NEK1: variants seen among roughly 807,000 people sequenced by gnomAD.
The protein encoded by NEK1 is NIMA related kinase 1, also known as serine/threonine-protein kinase Nek1.
Under a neutral mutation model 182.1 loss-of-function variants are expected in NEK1, and 137 were observed. The ratio of observed to expected loss-of-function variants is 0.75; its 90% CI spans 0.65 to 0.87. NEK1 has a LOEUF of 0.87. Ranked by LOEUF, NEK1 falls within the 40% of genes least tolerant of loss-of-function variation. The pLI is 0.00. For missense variants in NEK1, 1,391 were observed against 1,494.4 expected, an observed-to-expected ratio of 0.93 and a Z score of 1.14; for synonymous variants, 513 against 492.2, an observed-to-expected ratio of 1.04 and a Z score of -0.56.
intron 35 of NEK1, among the ~76,000 whole-genome samples, chr4:169,395,006 A>G (rs961607405): frequency 6.6e-6 from 1 of 152,204 alleles, no homozygotes; most frequent in African/African-American, 2.4e-5. Flanking sequence ...AGAATAAATC[A>G]TGGATATATT....
chr4:169,483,865 C>CAAA lies in NEK1; in HGVS notation c.2008-4334_2008-4332dup, dbSNP rs376726833. On this transcript the variant is annotated intron_variant, in intron 23 of 35. Transcript: ENST00000507142. ...TGGGCGACAGAGTGAGACTCTGTCT[C>CAAA]AAAAAAAAAAAAAAAAAAAGTTACT... Among the ~76,000 whole-genome samples the CAAA allele has an allele frequency of 1.4e-4, 16 of 117,170 alleles. 1 individual carries two copies. Among genetic ancestry groups the CAAA allele is most frequent in the East Asian group, 4.9e-4 (2 of 4,070 alleles). The allele number at this position is 117,170 out of a possible 152,430, so 76.9% of individuals were successfully genotyped here. A position where few individuals can be genotyped will look rare whatever the true frequency, so the allele number is the denominator to read the frequency against.
At chr4:169,475,353 C>G (rs1746752583) in intron 26 of NEK1, among the ~76,000 whole-genome samples, 1 of 152,138 alleles carries the variant, frequency 6.6e-6, no homozygotes, top group Non-Finnish European at 1.5e-5. Context: ...GTAGAGCACT[C>G]AGAAGCATCT....
In NEK1 at chr4:169,424,743, G is replaced by A. The variant is rs765906291; in HGVS notation, c.3032C>T (p.Pro1011Leu). The part of the protein sequence containing the change: ...SKCDVDKSVQ[P>L]EPFFHKVVHS... ...AACCACCTTATGGAAAAATGGTTCCGGTTGCACAGACTTATCTACATCACA... is the reference window on the plus strand; with the variant it reads ...AACCACCTTATGGAAAAATGGTTCCAGTTGCACAGACTTATCTACATCACA... Residue 1011 changes from proline (P) to leucine (L), a missense_variant, in exon 31 of 36, where the codon CCG becomes CTG. Transcript: ENST00000507142. The A allele has an allele frequency of 8.7e-6, 14 of 1,613,760 alleles. No homozygotes were observed. Among genetic ancestry groups the A allele is most frequent in the Non-Finnish European group, 9.3e-6 (11 of 1,179,772 alleles).
intron 18 of NEK1, among the ~76,000 whole-genome samples, chr4:169,542,085 T>C (rs762627096): frequency 6.6e-6 from 1 of 152,184 alleles, no homozygotes; most frequent in Non-Finnish European, 1.5e-5. Flanking sequence ...GCAGGTTACA[T>C]AGGTATACAC....
At chr4:169,564,316 T>C (rs1484067832) in intron 12 of NEK1, among the ~76,000 whole-genome samples, 2 of 152,148 alleles carry the variant, frequency 1.3e-5, no homozygotes, top group Non-Finnish European at 2.9e-5. Flanking sequence ...GGGAAAAATA[T>C]TTTGATGGTC....
chr4:169,404,983 A>G (rs929230080), intron 32 of NEK1, among the ~76,000 whole-genome samples: 1 of 152,148 alleles, frequency 6.6e-6, no homozygotes, highest in African/African-American at 2.4e-5. Context: ...ATGTGCACAC[A>G]CACACATGAA....
chr4:169,548,589 T>C (rs1760912937), intron 18 of NEK1, among the ~76,000 whole-genome samples: 1 of 152,234 alleles, frequency 6.6e-6, no homozygotes, highest in Non-Finnish European at 1.5e-5. Flanking sequence ...CCCCAGGTGC[T>C]CTGTCCCAGG....
chr4:169,529,145 T>C (rs1415846899), intron 19 of NEK1, among the ~76,000 whole-genome samples: 4 of 152,148 alleles, frequency 2.6e-5, no homozygotes, highest in Non-Finnish European at 4.4e-5. Flanking sequence ...ATTTATAAAA[T>C]GCAATACCAC....
intron 23 of NEK1, among the ~76,000 whole-genome samples, chr4:169,505,167 T>A (rs548161653): frequency 6.6e-6 from 1 of 152,278 alleles, no homozygotes; most frequent in Admixed American, 6.5e-5. Flanking sequence ...AATTATTTTA[T>A]CCTTTCTATA....
intron 23 of NEK1, 137 bp downstream of exon 23, chr4:169,506,900 G>A (rs952103122): frequency 6.6e-6 from 3 of 452,418 alleles, no homozygotes; most frequent in African/African-American, 6.1e-5. Context: ...GAGGTAATGA[G>A]AAAGGGTGAG....
At chr4:169,537,173 T>C (rs1250251373) in intron 19 of NEK1, among the ~76,000 whole-genome samples, 2 of 152,138 alleles carry the variant, frequency 1.3e-5, no homozygotes, top group African/African-American at 4.8e-5. Flanking sequence ...CAAAAGGCAT[T>C]TGTGAACCTC....
chr4:169,484,335 C>T (rs748376435), intron 23 of NEK1, among the ~76,000 whole-genome samples: 3 of 152,176 alleles, frequency 2.0e-5, no homozygotes, highest in Non-Finnish European at 2.9e-5. Flanking sequence ...CGTGAGCCAC[C>T]GCGTTTGGCC....
intron 31 of NEK1, among the ~76,000 whole-genome samples, chr4:169,424,291 A>G (rs1013105629): frequency 9.9e-5 from 15 of 152,168 alleles, no homozygotes; most frequent in Non-Finnish European, 2.1e-4. Context: ...AAAGAGCAAT[A>G]GTGCATGAGG....
intron 19 of NEK1, among the ~76,000 whole-genome samples, chr4:169,530,762 G>T (rs1208004426): frequency 1.3e-5 from 2 of 151,088 alleles, no homozygotes. Flanking sequence ...TTGGCGGGGG[G>T]TGATGGAATT....
At chr4:169,468,454 G>A (rs899730104) in intron 26 of NEK1, among the ~76,000 whole-genome samples, 18 of 152,034 alleles carry the variant, frequency 1.2e-4, no homozygotes, top group African/African-American at 3.6e-4. Context: ...TGTAATGTGT[G>A]CATTTCATTG....
chr4:169,575,274 T>C (rs1157285835), intron 12 of NEK1, among the ~76,000 whole-genome samples: 1 of 152,242 alleles, frequency 6.6e-6, no homozygotes, highest in African/African-American at 2.4e-5. Flanking sequence ...CTACTCTTCA[T>C]TGTCCAGCTT....
chr4:169,581,039 TAAAAAA>T (rs34236215), intron 10 of NEK1, 137 bp from the exon 11 acceptor site: 4,788 of 131,002 alleles, frequency 0.037, 285 homozygotes, highest in African/African-American at 0.15. Context: ...ACCAAGTTGT[TAAAAAA>T]AAAAAAAAAA....
chr4:169,467,722 C>T (rs1487886392), intron 26 of NEK1, among the ~76,000 whole-genome samples: 2 of 151,454 alleles, frequency 1.3e-5, no homozygotes, highest in Non-Finnish European at 2.9e-5. Context: ...TTAATAATCA[C>T]ATTAAATGTA....
At position 169,571,351 on chromosome 4, in the gene NEK1, C is replaced by T. The variant is rs1764822861; in HGVS notation, c.1020+5577G>A. ...GAACTAGTGAACAACAACAAAAATC[C>T]CTACCCTCATGAATTTCTGCACTGT... On this transcript the variant is annotated intron_variant, in intron 12 of 35. Transcript: ENST00000507142. Among the ~76,000 whole-genome samples the T allele has an allele frequency of 2.0e-5, 3 of 152,126 alleles. No homozygotes were observed. The South Asian group carries it at 6.2e-4, about 32-fold the overall frequency.
Sources: allele counts gnomAD v4.1 joint callset (sites outside exome capture counted in the v4.1 genomes callset), GRCh38; gene constraint gnomAD v4.1.1; transcripts MANE v1.5; gene names NCBI Gene and HGNC (gene_info 2026-07-23, HGNC 2026-07-21).